Variants in GNAL observed in about 807,000 individuals in gnomAD.
The protein encoded by GNAL is guanine nucleotide-binding protein G(olf) subunit alpha.
Under a neutral mutation model 55.1 loss-of-function variants are expected in GNAL, and 18 were observed. The observed-to-expected ratio is 0.33, with a 90% CI of 0.23 to 0.48. GNAL has a LOEUF of 0.48. Among genes scored for constraint, GNAL ranks in the 20% least tolerant of loss-of-function variants. The pLI, the probability that GNAL is intolerant of heterozygous loss-of-function variation, is 0.99. For missense variants in GNAL, 412 were observed against 614.1 expected (o/e 0.67, Z 3.48); for synonymous variants, 253 against 237.0 (o/e 1.07, Z -0.62).
At chr18:11,823,979 A>G (rs892380349) in intron 4 of GNAL, among the ~76,000 whole-genome samples, 1 of 152,202 alleles carries the variant, frequency 6.6e-6, no homozygotes, top group Non-Finnish European at 1.5e-5. Flanking sequence ...TGCCATAATA[A>G]TAGGTGAAGT....
intron 1 of GNAL, among the ~76,000 whole-genome samples, chr18:11,701,782 G>C (rs1189324137): frequency 6.6e-6 from 1 of 152,066 alleles, no homozygotes; most frequent in East Asian, 1.9e-4. Flanking sequence ...GATGAAGAAA[G>C]TTTGAGCAAC....
At position 11,753,936 on chromosome 18, in the gene GNAL, A is replaced by T; in HGVS notation, c.615A>T (p.Glu205Asp). Residue 205 changes from glutamate to aspartate, a missense_variant, in exon 4 of 12, where the codon GAA becomes GAT. Around this residue, in one of 5 missense-constraint regions of GNAL, gnomAD observed 47 missense variants for 82.7 expected, o/e 0.57. Transcript: ENST00000334049. ...IKSIAPITDF[E>D]YSQEFFDHVK... ...GCATAGCCCCTATCACTGACTTTGA[A>T]TATTCCCAGGTAAGAAATGCTTACT... 6.2e-7 allele frequency: 1 copy of T among 1,608,468 alleles called. No homozygotes were observed. The highest frequency in any genetic ancestry group is 8.5e-7 in the Non-Finnish European group (1 of 1,175,858).
intron 1 of GNAL, among the ~76,000 whole-genome samples, chr18:11,733,227 C>CT (rs955740768): frequency 2.6e-5 from 4 of 152,212 alleles, no homozygotes; most frequent in African/African-American, 9.6e-5. Flanking sequence ...CGACTGGGGA[C>CT]TTGGAGGTGT....
intron 10 of GNAL, among the ~76,000 whole-genome samples, chr18:11,875,702 G>A (rs602198): frequency 0.045 from 6,824 of 152,202 alleles, 453 homozygotes; most frequent in African/African-American, 0.14. Context: ...CGTGCTTCCC[G>A]TACAGCCTGC....
intron 5 of GNAL, among the ~76,000 whole-genome samples, chr18:11,834,245 T>G (rs953086100): frequency 6.6e-6 from 1 of 152,234 alleles, no homozygotes; most frequent in African/African-American, 2.4e-5. Context: ...GGTTGAGTTT[T>G]TCGCTGGACT....
At chr18:11,690,828 A>G (rs1187764886) in intron 1 of GNAL, among the ~76,000 whole-genome samples, 1 of 151,542 alleles carries the variant, frequency 6.6e-6, no homozygotes, top group Non-Finnish European at 1.5e-5. Flanking sequence ...CATGGTGTAT[A>G]TGTGCCACAT....
At chr18:11,819,106 T>C (rs1007726469) in intron 4 of GNAL, among the ~76,000 whole-genome samples, 2 of 152,210 alleles carry the variant, frequency 1.3e-5, no homozygotes, top group African/African-American at 4.8e-5. Flanking sequence ...AAATGAAAAA[T>C]GTATCCCAAA....
intron 4 of GNAL, among the ~76,000 whole-genome samples, chr18:11,807,352 A>G (rs973126734): frequency 6.6e-6 from 1 of 152,208 alleles, no homozygotes; most frequent in Admixed American, 6.5e-5. Context: ...GGGTGGGAAC[A>G]GACCAGATAG....
At chr18:11,788,983 G>C (rs1261846406) in intron 4 of GNAL, among the ~76,000 whole-genome samples, 1 of 145,168 alleles carries the variant, frequency 6.9e-6, no homozygotes, top group Admixed American at 6.9e-5. Context: ...GAATGTGTAA[G>C]ATAAGTTAAA....
intron 4 of GNAL, among the ~76,000 whole-genome samples, chr18:11,778,471 C>T (rs981085784): frequency 4.6e-5 from 7 of 152,132 alleles, no homozygotes; most frequent in Non-Finnish European, 1.0e-4. Flanking sequence ...CTGTAAAGGC[C>T]GCATGATGTT....
At position 11,766,032 on chromosome 18, in the gene GNAL, T is replaced by C. The variant is rs184231392; in HGVS notation, c.624+12087T>C. Among the ~76,000 whole-genome samples, 73 of 152,340 alleles carry C rather than the reference T, an allele frequency of 4.8e-4. 1 individual carries two copies. The East Asian group carries it at 9.6e-3, about 20-fold the overall frequency. On this transcript the variant is annotated intron_variant, in intron 4 of 11. Coordinates refer to ENST00000334049, the MANE Select transcript of GNAL (RefSeq NM_182978.4). Reference sequence around the variant, plus strand: ...TTTATGTAACTGAGAGAAAATATTTTGAACGTCTTAGCACTCTCTCAGGAA... The same window carrying C: ...TTTATGTAACTGAGAGAAAATATTTCGAACGTCTTAGCACTCTCTCAGGAA...
chr18:11,864,203 C>T (rs2036210791), intron 6 of GNAL, among the ~76,000 whole-genome samples: 1 of 151,764 alleles, frequency 6.6e-6, no homozygotes, highest in Admixed American at 6.6e-5. Flanking sequence ...TCTCCTGCCT[C>T]AGCTTCCCAA....
chr18:11,786,436 CT>C (rs66803403), intron 4 of GNAL, among the ~76,000 whole-genome samples: 468 of 60,658 alleles, frequency 7.7e-3, no homozygotes, highest in Middle Eastern at 0.017. Flanking sequence ...CATACGTTTT[CT>C]TTTTTTTTTT....
At chr18:11,864,086 C>CTTTTTTTTTTTTT (rs3981355) in intron 6 of GNAL, among the ~76,000 whole-genome samples, 1 of 129,060 alleles carries the variant, frequency 7.7e-6, no homozygotes, top group African/African-American at 3.0e-5. Context: ...CGTCTGAGTT[C>CTTTTTTTTTTTTT]TTTTTTTTTT....
intron 5 of GNAL, among the ~76,000 whole-genome samples, chr18:11,831,255 A>G (rs1284277737): frequency 6.6e-6 from 1 of 152,126 alleles, no homozygotes; most frequent in Non-Finnish European, 1.5e-5. Context: ...GGCACGGTCT[A>G]GGGGAGGACT....
chr18:11,885,108 A>C lies in GNAL; in HGVS notation c.*3973A>C. 1 of 1,153,666 alleles carries C rather than the reference A, an allele frequency of 8.7e-7. No individual in the cohort carries two copies. Among genetic ancestry groups the C allele is most frequent in the Non-Finnish European group, 1.1e-6 (1 of 891,514 alleles). The allele number at this position is 1,153,666 out of a possible 1,614,324, so 71.5% of individuals were successfully genotyped here. On this transcript the variant is annotated 3_prime_UTR_variant, in exon 12 of 12. Transcript: ENST00000334049. The stretch of plus-strand genomic sequence containing the variant: ...CTTTGCAGATACTTTTATGTGGAAC[A>C]ACAGTGGCAAATGTTTTCATTTACT...
chr18:11,789,762 G>A (rs550295113), intron 4 of GNAL, among the ~76,000 whole-genome samples: 221 of 152,276 alleles, frequency 1.5e-3, no homozygotes, highest in African/African-American at 5.2e-3. Flanking sequence ...ACATGCCATT[G>A]ATACATATAC....
intron 1 of GNAL, among the ~76,000 whole-genome samples, chr18:11,696,360 C>T (rs945641347): frequency 1.2e-4 from 18 of 152,034 alleles, no homozygotes; most frequent in African/African-American, 3.9e-4. Context: ...AAAAAATTAG[C>T]CAGGCATGGT....
chr18:11,788,914 A>AAAAATATATATATAT (rs60071996), intron 4 of GNAL, among the ~76,000 whole-genome samples: 6 of 56,290 alleles, frequency 1.1e-4, no homozygotes, highest in African/African-American at 6.0e-4. Context: ...AAAAAAAAAA[A>AAAAATATATATATAT]ATATATATAT....
Sources: allele counts gnomAD v4.1 joint callset (sites outside exome capture counted in the v4.1 genomes callset), GRCh38; gene constraint gnomAD v4.1.1; regional missense constraint gnomAD v4.1.1; transcripts MANE v1.5; gene names NCBI Gene and HGNC (gene_info 2026-07-23, HGNC 2026-07-21).